PDS5B: variants seen among roughly 807,000 people sequenced by gnomAD.
PDS5B encodes the protein sister chromatid cohesion protein PDS5 homolog B.
PDS5B carries 51 observed loss-of-function variants against 184.1 expected under a neutral mutation model. The ratio of observed to expected loss-of-function variants is 0.28; its 90% CI spans 0.22 to 0.35. The LOEUF is 0.35. PDS5B is among the 10% of genes least tolerant of loss of function. PDS5B has a pLI of 1.00. For synonymous variants in PDS5B, 566 were observed against 569.2 expected (o/e 0.99, Z 0.08); for missense variants, 1,180 against 1,723.3 (o/e 0.68, Z 5.58).
intron 9 of PDS5B, 121 bp downstream of exon 9, chr13:32,676,080 GTTGAAAGTT>G: frequency 1.7e-6 from 1 of 582,808 alleles, no homozygotes; most frequent in Non-Finnish European, 3.0e-6. Flanking sequence ...GATTTTTTAT[GTTGAAAGTT>G]TTGAAAGTTG....
chr13:32,701,457 C>G lies in PDS5B; in HGVS notation c.1856+19C>G, dbSNP rs1171548454. ...CTATCAGGTATTTGTATATAAAATA[C>G]TAAGTTCTCATTGCTGTTCATTAAT... On this transcript the variant is annotated intron_variant, in intron 17 of 34. Coordinates refer to ENST00000315596, the MANE Select transcript of PDS5B (RefSeq NM_015032.4). 1 of 1,432,546 alleles carries G rather than the reference C, an allele frequency of 7.0e-7. No homozygotes were observed. Among genetic ancestry groups the G allele is most frequent in the Admixed American group, 1.8e-5 (1 of 55,894 alleles). The allele number at this position is 1,432,546 out of a possible 1,614,324, so 88.7% of individuals were successfully genotyped here.
intron 31 of PDS5B, among the ~76,000 whole-genome samples, chr13:32,768,241 T>A (rs1954646366): frequency 1.3e-5 from 2 of 152,168 alleles, no homozygotes; most frequent in South Asian, 4.1e-4. Context: ...GCTGTCTTCC[T>A]GGGTTACAGA....
chr13:32,630,408 C>G (rs73451444), intron 1 of PDS5B, among the ~76,000 whole-genome samples: 1,580 of 152,186 alleles, frequency 0.01, 38 homozygotes, highest in African/African-American at 0.035. Flanking sequence ...GCATGCCCTC[C>G]TCATATCTAG....
intron 12 of PDS5B, among the ~76,000 whole-genome samples, chr13:32,688,194 A>G (rs1951450082): frequency 6.6e-6 from 1 of 151,772 alleles, no homozygotes; most frequent in Non-Finnish European, 1.5e-5. Context: ...TAAAGAAAAA[A>G]TCCCTGGTAC....
At position 32,769,404 on chromosome 13, in the gene PDS5B, A is replaced by C. The variant is rs1337242576; in HGVS notation, c.3625-717A>C. 2.0e-5 allele frequency among the ~76,000 whole-genome samples: 3 copies of C among 152,142 alleles called. No homozygotes were observed. In the East Asian group the frequency reaches 5.8e-4, roughly 29 times the overall value. ...TTTTGGAAATTAACTTTGTATTATAAGTGTTCATACATACAATTTATTCTT... is the reference window on the plus strand; with the variant it reads ...TTTTGGAAATTAACTTTGTATTATACGTGTTCATACATACAATTTATTCTT... On this transcript the variant is annotated intron_variant, in intron 31 of 34. Coordinates refer to ENST00000315596, the MANE Select transcript of PDS5B (RefSeq NM_015032.4).
intron 10 of PDS5B, among the ~76,000 whole-genome samples, chr13:32,683,095 C>G (rs1222998533): frequency 6.6e-6 from 1 of 152,126 alleles, no homozygotes; most frequent in Non-Finnish European, 1.5e-5. Context: ...TCACAGCAAC[C>G]TCCACCTCCT....
At position 32,742,739 on chromosome 13, in the gene PDS5B, C is replaced by A. The variant is rs1423874953; in HGVS notation, c.2612+12C>A. On this transcript the variant is annotated intron_variant, in intron 23 of 34. Transcript: ENST00000315596. ...CAGGGGAAAATTAGGTATGCAATTACTATTTCACAGTTCTTTGGATTGCAT... is the reference window on the plus strand; with the variant it reads ...CAGGGGAAAATTAGGTATGCAATTAATATTTCACAGTTCTTTGGATTGCAT... 6 of 1,607,054 alleles carry A rather than the reference C, an allele frequency of 3.7e-6. No individual in the cohort carries two copies. The highest frequency in any genetic ancestry group is 5.1e-6 in the Non-Finnish European group (6 of 1,174,668).
At chr13:32,589,867 A>G (rs1051101686) in intron 1 of PDS5B, among the ~76,000 whole-genome samples, 3 of 152,006 alleles carry the variant, frequency 2.0e-5, no homozygotes, top group African/African-American at 7.3e-5. Context: ...CTTTCCTCAC[A>G]CTGTTCTGTT....
chr13:32,679,884 A>AGTGTGTGTGTGTGT (rs34635708), intron 10 of PDS5B, among the ~76,000 whole-genome samples: 1 of 143,616 alleles, frequency 7.0e-6, no homozygotes, highest in African/African-American at 2.6e-5. Context: ...TTCGTCTGTG[A>AGTGTGTGTGTGTGT]GTGTGTGTGT....
intron 23 of PDS5B, among the ~76,000 whole-genome samples, chr13:32,743,261 C>G (rs1953625292): frequency 6.6e-6 from 1 of 152,036 alleles, no homozygotes; most frequent in Non-Finnish European, 1.5e-5. Flanking sequence ...CCACCACTTA[C>G]TAGTCAGGTG....
chr13:32,745,880 CT>C (rs1242269343), intron 23 of PDS5B, 96 bp from the exon 24 acceptor site: 2 of 1,036,746 alleles, frequency 1.9e-6, no homozygotes, highest in Middle Eastern at 2.5e-4. Context: ...TTTTTTTAAA[CT>C]TTTTTGTGCC....
intron 1 of PDS5B, among the ~76,000 whole-genome samples, chr13:32,609,214 C>G (rs192481470): frequency 1.3e-5 from 2 of 152,068 alleles, no homozygotes; most frequent in South Asian, 2.1e-4. Flanking sequence ...TCCCTTTATC[C>G]GTTGTTGGAT....
chr13:32,680,819 G>T (rs111772270), intron 10 of PDS5B, among the ~76,000 whole-genome samples: 1 of 152,036 alleles, frequency 6.6e-6, no homozygotes, highest in African/African-American at 2.4e-5. Context: ...AAGAGACAGG[G>T]TCTTACTCTG....
intron 1 of PDS5B, among the ~76,000 whole-genome samples, chr13:32,592,432 T>G (rs1017452830): frequency 6.6e-6 from 1 of 152,108 alleles, no homozygotes; most frequent in African/African-American, 2.4e-5. Flanking sequence ...ATTTTTTGCA[T>G]TTTTAGTAGA....
chr13:32,656,375 G>A (rs768056104), intron 3 of PDS5B, among the ~76,000 whole-genome samples: 2 of 138,482 alleles, frequency 1.4e-5, no homozygotes, highest in Non-Finnish European at 3.0e-5. Context: ...TGTGAAGAAT[G>A]TTCTTGGTAG....
At chr13:32,770,064 A>C (rs1954724461) in intron 31 of PDS5B, 57 bp from the exon 32 acceptor site, 2 of 1,492,930 alleles carry the variant, frequency 1.3e-6, no homozygotes, top group African/African-American at 2.8e-5. Flanking sequence ...TTCATTCCTC[A>C]AAATATGTAT....
At chr13:32,767,924 G>A (rs559955163) in intron 31 of PDS5B, among the ~76,000 whole-genome samples, 1 of 152,148 alleles carries the variant, frequency 6.6e-6, no homozygotes. Flanking sequence ...GTAAAATATT[G>A]TGCTTCTGTT....
intron 7 of PDS5B, among the ~76,000 whole-genome samples, chr13:32,668,731 T>C (rs17077727): frequency 0.01 from 1,580 of 152,314 alleles, 38 homozygotes; most frequent in African/African-American, 0.035. Flanking sequence ...AAGCCTTTAA[T>C]AATTACTTAT....
At chr13:32,695,536 A>T (rs1951676514) in intron 14 of PDS5B, among the ~76,000 whole-genome samples, 1 of 151,908 alleles carries the variant, frequency 6.6e-6, no homozygotes. Context: ...CTGGCCAGAG[A>T]TGTAAGAGTG....
Sources: allele counts gnomAD v4.1 joint callset (sites outside exome capture counted in the v4.1 genomes callset), GRCh38; gene constraint gnomAD v4.1.1; transcripts MANE v1.5; gene names NCBI Gene and HGNC (gene_info 2026-07-23, HGNC 2026-07-21).